AGBL1: variants seen among roughly 807,000 people sequenced by gnomAD.
AGBL1 encodes cytosolic carboxypeptidase 4.
AGBL1 carries 130 observed loss-of-function variants against 118.9 expected under a neutral mutation model. That is an observed-to-expected ratio of 1.09 (90% CI 0.95 to 1.26). The LOEUF is 1.26. Ranked by LOEUF, AGBL1 falls within the 50% of genes most tolerant of loss-of-function variation. AGBL1 has a pLI of 0.00. For missense variants in AGBL1, 1,584 were observed against 1,298.1 expected, an observed-to-expected ratio of 1.22 and a Z score of -3.38; for synonymous variants, 555 against 478.9, an observed-to-expected ratio of 1.16 and a Z score of -2.08.
intron 18 of AGBL1, among the ~76,000 whole-genome samples, chr15:86,472,764 C>T (rs1052412211): frequency 6.6e-6 from 1 of 152,046 alleles, no homozygotes; most frequent in African/African-American, 2.4e-5. Context: ...ACTAAAAATA[C>T]AAAAATTAGC....
intron 5 of AGBL1, among the ~76,000 whole-genome samples, chr15:86,186,485 G>T (rs568137832): frequency 3.3e-4 from 50 of 151,654 alleles, no homozygotes; most frequent in African/African-American, 1.0e-3. Flanking sequence ...TGTAAAGATT[G>T]TTTGTTCTTT....
At chr15:86,468,268 G>A (rs1157007555) in intron 18 of AGBL1, among the ~76,000 whole-genome samples, 1 of 152,064 alleles carries the variant, frequency 6.6e-6, no homozygotes, top group Non-Finnish European at 1.5e-5. Flanking sequence ...GTCCTAAATT[G>A]GATCTTTAGG....
intron 22 of AGBL1, among the ~76,000 whole-genome samples, chr15:86,888,183 G>GT (rs921519068): frequency 3.9e-5 from 6 of 151,944 alleles, no homozygotes; most frequent in African/African-American, 1.5e-4. Flanking sequence ...ACCAAGACCA[G>GT]TCCTGTTGCC....
chr15:86,474,242 G>T (rs533640440), intron 18 of AGBL1, among the ~76,000 whole-genome samples: 7 of 152,230 alleles, frequency 4.6e-5, no homozygotes, highest in African/African-American at 1.4e-4. Flanking sequence ...GAGAGTGGAT[G>T]CAGCCAACTG....
At chr15:86,593,604 C>T (rs185985514) in intron 21 of AGBL1, among the ~76,000 whole-genome samples, 128 of 152,282 alleles carry the variant, frequency 8.4e-4, no homozygotes, top group South Asian at 7.0e-3. Context: ...ATATCAACTT[C>T]GCTGGCATAT....
intron 22 of AGBL1, among the ~76,000 whole-genome samples, chr15:86,844,528 C>T (rs896808681): frequency 5.3e-5 from 8 of 152,018 alleles, no homozygotes; most frequent in Non-Finnish European, 7.4e-5. Context: ...AATCCCTCTC[C>T]GAATATTTGG....
intron 18 of AGBL1, among the ~76,000 whole-genome samples, chr15:86,416,712 C>A (rs187065690): frequency 6.6e-6 from 1 of 152,208 alleles, no homozygotes; most frequent in Admixed American, 6.5e-5. Flanking sequence ...ATCTGAAAAG[C>A]AATTGTTCTC....
chr15:86,177,637 G>T (rs1180998081), intron 5 of AGBL1, among the ~76,000 whole-genome samples: 1 of 152,114 alleles, frequency 6.6e-6, no homozygotes, highest in Non-Finnish European at 1.5e-5. Flanking sequence ...ACAACAGAAA[G>T]GTTTCTGTAA....
chr15:86,711,831 G>T (rs942358994), intron 22 of AGBL1, among the ~76,000 whole-genome samples: 34 of 152,150 alleles, frequency 2.2e-4, no homozygotes, highest in African/African-American at 8.0e-4. Context: ...GAGAAAAAAA[G>T]ATTGTCCACT....
chr15:86,478,411 A>T (rs2082594900), intron 18 of AGBL1, among the ~76,000 whole-genome samples: 1 of 152,196 alleles, frequency 6.6e-6, no homozygotes, highest in Non-Finnish European at 1.5e-5. Context: ...AATGTGCAAA[A>T]ATCACAAACA....
At chr15:86,532,470 C>T (rs1365719115) in intron 19 of AGBL1, among the ~76,000 whole-genome samples, 4 of 115,870 alleles carry the variant, frequency 3.5e-5, no homozygotes, top group Admixed American at 8.4e-5. Flanking sequence ...AGGATACAAA[C>T]AAATGGAAGA....
intron 16 of AGBL1, among the ~76,000 whole-genome samples, chr15:86,280,593 A>T (rs573847097): frequency 7.2e-5 from 11 of 152,232 alleles, no homozygotes; most frequent in Non-Finnish European, 1.6e-4. Flanking sequence ...CCTCTATGTT[A>T]ATGTAAAATG....
intron 21 of AGBL1, among the ~76,000 whole-genome samples, chr15:86,643,120 A>G (rs1382659411): frequency 6.6e-6 from 1 of 152,106 alleles, no homozygotes; most frequent in Non-Finnish European, 1.5e-5. Flanking sequence ...CAGTCATCAC[A>G]TTTTGTAGTA....
intron 18 of AGBL1, among the ~76,000 whole-genome samples, chr15:86,495,470 A>G (rs1185112571): frequency 6.6e-6 from 1 of 151,592 alleles, no homozygotes; most frequent in Non-Finnish European, 1.5e-5. Flanking sequence ...AACCTTACAA[A>G]AGTAGTTTGA....
At chr15:86,882,685 A>G (rs991113676) in intron 22 of AGBL1, among the ~76,000 whole-genome samples, 4 of 152,158 alleles carry the variant, frequency 2.6e-5, no homozygotes, top group Non-Finnish European at 4.4e-5. Flanking sequence ...ATTTTTCTGG[A>G]TCAATTCAAG....
intron 17 of AGBL1, among the ~76,000 whole-genome samples, chr15:86,318,536 A>C (rs778399368): frequency 6.6e-6 from 1 of 151,976 alleles, no homozygotes; most frequent in Non-Finnish European, 1.5e-5. Context: ...GTAGCTATTA[A>C]TAAAGCCTGG....
chr15:86,659,949 T>A (rs1483159960), intron 21 of AGBL1, among the ~76,000 whole-genome samples: 2 of 152,104 alleles, frequency 1.3e-5, no homozygotes, highest in African/African-American at 4.8e-5. Context: ...ATTACTATTG[T>A]TATTACTTCC....
chr15:86,934,222 G>A (rs1295881415), intron 23 of AGBL1, among the ~76,000 whole-genome samples: 1 of 152,168 alleles, frequency 6.6e-6, no homozygotes, highest in African/African-American at 2.4e-5. Flanking sequence ...GACTTGTTCT[G>A]CAGCTTGTGA....
chr15:86,950,555 TTG>T (rs1237198917), intron 23 of AGBL1, among the ~76,000 whole-genome samples: 1 of 150,984 alleles, frequency 6.6e-6, no homozygotes, highest in African/African-American at 2.4e-5. Flanking sequence ...ACACATATAT[TTG>T]TGTGTGTATA....
Sources: allele counts gnomAD v4.1 joint callset (sites outside exome capture counted in the v4.1 genomes callset), GRCh38; gene constraint gnomAD v4.1.1; transcripts MANE v1.5; gene names NCBI Gene and HGNC (gene_info 2026-07-23, HGNC 2026-07-21).